Variants in CNTN5 observed in about 807,000 individuals in gnomAD.
CNTN5 encodes the protein contactin 5.
Under a neutral mutation model 129.1 loss-of-function variants are expected in CNTN5, and 77 were observed. That is an observed-to-expected ratio of 0.60 (90% confidence interval 0.50 to 0.72). CNTN5 has a LOEUF of 0.72. Ranked by LOEUF, CNTN5 falls within the 30% of genes least tolerant of loss-of-function variation. CNTN5 has a pLI of 0.00. For missense variants in CNTN5, 1,478 were observed against 1,328.8 expected, an observed-to-expected ratio of 1.11 and a Z score of -1.75; for synonymous variants, 509 against 465.6, an observed-to-expected ratio of 1.09 and a Z score of -1.20.
intron 15 of CNTN5, among the ~76,000 whole-genome samples, chr11:100,210,040 TA>T (rs35416777): frequency 0.16 from 23,800 of 151,500 alleles, 2,264 homozygotes; most frequent in Non-Finnish European, 0.21. Context: ...TAGTAGAGGT[TA>T]AAAAAATAGT....
chr11:99,928,658 C>T (rs1591436070), intron 7 of CNTN5, among the ~76,000 whole-genome samples: 1 of 152,142 alleles, frequency 6.6e-6, no homozygotes, highest in Non-Finnish European at 1.5e-5. Context: ...GCAGCAGGGC[C>T]CTGGGCCTGG....
intron 1 of CNTN5, among the ~76,000 whole-genome samples, chr11:99,039,251 C>T (rs1184394222): frequency 6.6e-6 from 1 of 152,116 alleles, no homozygotes; most frequent in African/African-American, 2.4e-5. Context: ...AAGCACTTCT[C>T]AGCTTTTCAG....
chr11:99,250,056 A>G (rs1486231042), intron 1 of CNTN5, among the ~76,000 whole-genome samples: 1 of 151,998 alleles, frequency 6.6e-6, no homozygotes, highest in African/African-American at 2.4e-5. Flanking sequence ...GTTGCTTCTC[A>G]GTGAAGGCAT....
chr11:100,027,139 T>C (rs1941463135), intron 9 of CNTN5, among the ~76,000 whole-genome samples: 7 of 152,218 alleles, frequency 4.6e-5, no homozygotes, highest in Admixed American at 4.6e-4. Context: ...CTCCATCATA[T>C]GTGTCATTTT....
At chr11:99,823,818 T>C (rs541853461) in intron 4 of CNTN5, among the ~76,000 whole-genome samples, 1 of 152,128 alleles carries the variant, frequency 6.6e-6, no homozygotes, top group Non-Finnish European at 1.5e-5. Flanking sequence ...GAGGAATTAC[T>C]ATACTTATTT....
intron 3 of CNTN5, among the ~76,000 whole-genome samples, chr11:99,655,990 ATATG>A (rs1332295000): frequency 6.6e-6 from 1 of 152,024 alleles, no homozygotes; most frequent in Non-Finnish European, 1.5e-5. Flanking sequence ...GTGTGTATAT[ATATG>A]TGTTTCTGTA....
chr11:99,537,814 C>T (rs1207774542), intron 2 of CNTN5, among the ~76,000 whole-genome samples: 1 of 152,152 alleles, frequency 6.6e-6, no homozygotes, highest in Admixed American at 6.6e-5. Flanking sequence ...AGCAATGATA[C>T]AGCTTTCTAG....
chr11:100,035,999 T>C (rs753965612), intron 9 of CNTN5, among the ~76,000 whole-genome samples: 12 of 152,198 alleles, frequency 7.9e-5, no homozygotes, highest in Non-Finnish European at 1.5e-4. Flanking sequence ...ATTTTGGCTT[T>C]TGGTGCCGTT....
chr11:100,165,259 T>C (rs1374411772), intron 13 of CNTN5, among the ~76,000 whole-genome samples: 1 of 151,824 alleles, frequency 6.6e-6, no homozygotes, highest in Non-Finnish European at 1.5e-5. Flanking sequence ...AAAGAGTACA[T>C]AGATCTTGGT....
chr11:99,796,513 C>T (rs147336895), intron 3 of CNTN5, among the ~76,000 whole-genome samples: 33 of 152,074 alleles, frequency 2.2e-4, no homozygotes, highest in East Asian at 9.7e-4. Context: ...TGGAGCTGTC[C>T]GATGGTCAGG....
intron 1 of CNTN5, among the ~76,000 whole-genome samples, chr11:99,208,611 T>C (rs1026510949): frequency 2.0e-5 from 3 of 152,150 alleles, no homozygotes; most frequent in African/African-American, 7.2e-5. Flanking sequence ...TGATTCCCAA[T>C]TTATCTTTAT....
chr11:100,195,933 T>C (rs1463717139), intron 15 of CNTN5, among the ~76,000 whole-genome samples: 1 of 147,658 alleles, frequency 6.8e-6, no homozygotes, highest in African/African-American at 2.6e-5. Flanking sequence ...AAAAGTGTTA[T>C]AAAGGCAGAT....
At chr11:100,300,355 G>A (rs1193438063) in intron 20 of CNTN5, among the ~76,000 whole-genome samples, 1 of 151,114 alleles carries the variant, frequency 6.6e-6, no homozygotes. Flanking sequence ...TTACAAGTGG[G>A]GGAAAAAAAT....
At chr11:99,939,969 G>A (rs755374061) in intron 7 of CNTN5, among the ~76,000 whole-genome samples, 1 of 152,076 alleles carries the variant, frequency 6.6e-6, no homozygotes, top group Non-Finnish European at 1.5e-5. Context: ...TAACCCAAAT[G>A]GTTGGCAACC....
At chr11:99,649,040 A>G (rs1178194329) in intron 3 of CNTN5, among the ~76,000 whole-genome samples, 1 of 151,754 alleles carries the variant, frequency 6.6e-6, no homozygotes, top group African/African-American at 2.4e-5. Flanking sequence ...ATTTTCAATA[A>G]GAGAAGATAT....
At chr11:100,006,411 C>T (rs1425865335) in intron 9 of CNTN5, among the ~76,000 whole-genome samples, 1 of 152,114 alleles carries the variant, frequency 6.6e-6, no homozygotes, top group East Asian at 1.9e-4. Context: ...AGTCAATCCT[C>T]TCTAACTCTG....
Position 100,343,560 on chromosome 11 carries a change from C to G in CNTN5, c.3030+2355C>G, listed in dbSNP as rs558256894. Among the ~76,000 whole-genome samples the G allele has an allele frequency of 2.0e-5, 3 of 152,208 alleles. No individual in the cohort carries two copies. The East Asian group carries it at 5.8e-4, about 29-fold the overall frequency. ...TTCACAGGGCAGCCAAGGATGAAAG[C>G]TCCTCCTGACACAATGGGACAGGAA... On this transcript the variant is annotated intron_variant, in intron 23 of 24. Coordinates refer to ENST00000524871, the MANE Select transcript of CNTN5 (RefSeq NM_014361.4).
At chr11:99,991,552 A>G (rs1053713569) in intron 8 of CNTN5, among the ~76,000 whole-genome samples, 14 of 152,302 alleles carry the variant, frequency 9.2e-5, no homozygotes, top group Admixed American at 2.6e-4. Context: ...AATAACCAAA[A>G]TAGGGAATTC....
intron 2 of CNTN5, among the ~76,000 whole-genome samples, chr11:99,489,629 GTA>G (rs1945956857): frequency 6.6e-6 from 1 of 152,152 alleles, no homozygotes; most frequent in Non-Finnish European, 1.5e-5. Flanking sequence ...TAGAGTCTAT[GTA>G]TTATTTTAAC....
Sources: allele counts gnomAD v4.1 joint callset (sites outside exome capture counted in the v4.1 genomes callset), GRCh38; gene constraint gnomAD v4.1.1; transcripts MANE v1.5; gene names NCBI Gene and HGNC (gene_info 2026-07-23, HGNC 2026-07-21).